Variants in GALNT14 observed in about 807,000 individuals in gnomAD.
GALNT14 encodes the protein polypeptide N-acetylgalactosaminyltransferase 14.
GALNT14 carries 60 observed loss-of-function variants against 77.5 expected under a neutral mutation model. The ratio of observed to expected loss-of-function variants is 0.77; its 90% CI spans 0.63 to 0.96. GALNT14 has a LOEUF of 0.96. Among genes scored for constraint, GALNT14 ranks in the 40% least tolerant of loss-of-function variants. The probability of loss-of-function intolerance (pLI) is 0.00; values close to 1 mark genes in which losing one functional copy is unlikely to be tolerated. For synonymous variants in GALNT14, 280 were observed against 281.7 expected (o/e 0.99, Z 0.06); for missense variants, 710 against 731.0 (o/e 0.97, Z 0.33).
At chr2:31,090,842 C>T (rs1226281232) in intron 1 of GALNT14, among the ~76,000 whole-genome samples, 1 of 150,178 alleles carries the variant, frequency 6.7e-6, no homozygotes, top group Non-Finnish European at 1.5e-5. Flanking sequence ...GTGAAGAGAA[C>T]ATTAAAAATA....
intron 11 of GALNT14, among the ~76,000 whole-genome samples, chr2:30,928,675 G>A (rs535121013): frequency 6.6e-6 from 1 of 152,204 alleles, no homozygotes; most frequent in East Asian, 1.9e-4. Context: ...GGAGTGCAGT[G>A]GCGTGATCTC....
intron 1 of GALNT14, among the ~76,000 whole-genome samples, chr2:31,031,918 G>A (rs775199007): frequency 6.6e-6 from 1 of 152,172 alleles, no homozygotes; most frequent in Non-Finnish European, 1.5e-5. Context: ...TTCCTGTTTT[G>A]AAGCTCTGTC....
At chr2:30,976,624 T>C (rs937415392) in intron 2 of GALNT14, among the ~76,000 whole-genome samples, 99 of 150,930 alleles carry the variant, frequency 6.6e-4, no homozygotes, top group African/African-American at 2.3e-3. Context: ...TGTGTGTATG[T>C]GTGTGTGTGT....
Position 30,942,324 on chromosome 2 carries a change from A to C in GALNT14, c.828-20T>G. The C allele has an allele frequency of 1.9e-6, 3 of 1,581,014 alleles. No individual in the cohort carries two copies. Among genetic ancestry groups the C allele is most frequent in the Non-Finnish European group, 2.6e-6 (3 of 1,150,424 alleles). On this transcript the variant is annotated intron_variant, in intron 8 of 14. Coordinates refer to ENST00000349752, the MANE Select transcript of GALNT14 (RefSeq NM_024572.4). The stretch of plus-strand genomic sequence containing the variant: ...GGAGTCCTGTGCATTTGGAAGAAAA[A>C]GAGAGGGGATCAGTTCTAGTGGGGA...
At chr2:30,970,134 C>T (rs1418912678) in intron 2 of GALNT14, among the ~76,000 whole-genome samples, 1 of 152,160 alleles carries the variant, frequency 6.6e-6, no homozygotes. Flanking sequence ...GACGACTCTG[C>T]CTGCTGGGTG....
the GALNT14 span, among the ~76,000 whole-genome samples, chr2:30,899,519 A>G: frequency 5.3e-5 from 8 of 151,840 alleles, no homozygotes; most frequent in East Asian, 3.9e-4. Context: ...GGCTCAAATG[A>G]ATAAGGTAAC....
chr2:30,920,673 A>G (rs1369107658), intron 13 of GALNT14, among the ~76,000 whole-genome samples: 3 of 152,092 alleles, frequency 2.0e-5, no homozygotes, highest in African/African-American at 7.2e-5. Context: ...ATAGGCACAC[A>G]TACTCAGGGA....
chr2:31,117,768 C>T (rs1187595971), intron 1 of GALNT14, among the ~76,000 whole-genome samples: 2 of 152,118 alleles, frequency 1.3e-5, no homozygotes, highest in African/African-American at 4.8e-5. Context: ...GGAAGATAGG[C>T]TATGCTAACA....
intron 1 of GALNT14, among the ~76,000 whole-genome samples, chr2:31,076,859 C>A (rs1375505130): frequency 1.3e-5 from 2 of 151,992 alleles, no homozygotes; most frequent in Non-Finnish European, 2.9e-5. Context: ...CCAAGATGAA[C>A]CAGGACTTAA....
intron 1 of GALNT14, among the ~76,000 whole-genome samples, chr2:31,101,006 T>G (rs1204055918): frequency 6.6e-6 from 1 of 152,068 alleles, no homozygotes; most frequent in Non-Finnish European, 1.5e-5. Context: ...ACTCAAAGTA[T>G]GGTTTCTATT....
Position 31,061,715 on chromosome 2 carries a change from AG to A in GALNT14, c.130-68709del, listed in dbSNP as rs147871021. 4.0e-3 allele frequency among the ~76,000 whole-genome samples: 603 copies of A among 152,304 alleles called. 4 individuals carry two copies. Among genetic ancestry groups the A allele is most frequent in the African/African-American group, 0.014 (565 of 41,552 alleles). On this transcript the variant is annotated intron_variant, in intron 1 of 14. Coordinates refer to ENST00000349752, the MANE Select transcript of GALNT14 (RefSeq NM_024572.4). The stretch of plus-strand genomic sequence containing the variant: ...GACCACTGTGCAACCTCAAGAAAAA[AG>A]GTAGGCTCAGCAATGCCTGCAAGTG...
intron 6 of GALNT14, among the ~76,000 whole-genome samples, chr2:30,954,958 C>T (rs1449524804): frequency 6.6e-6 from 1 of 152,222 alleles, no homozygotes; most frequent in Non-Finnish European, 1.5e-5. Context: ...TGAATTGATA[C>T]TGCCATCTGC....
chr2:31,130,790 G>GCA (rs142430081), intron 1 of GALNT14, among the ~76,000 whole-genome samples: 2 of 135,438 alleles, frequency 1.5e-5, no homozygotes, highest in African/African-American at 6.1e-5. Context: ...GTGTGCGCGC[G>GCA]CACCTGTGTG....
Position 31,138,202 on chromosome 2 carries a change from A to G in GALNT14, c.-116T>C. On this transcript the variant is annotated 5_prime_UTR_variant, in exon 1 of 15. Coordinates refer to ENST00000349752, the MANE Select transcript of GALNT14 (RefSeq NM_024572.4). ...CCTCGCTCTGGGGAGCTCTAGACCC[A>G]GGATCCGGTTGGAGGGGCGGCAGGA... 7.4e-7 allele frequency: 1 copy of G among 1,349,292 alleles called. No individual in the cohort carries two copies. The highest frequency in any genetic ancestry group is 1.0e-6 in the Non-Finnish European group (1 of 982,350). The allele number at this position is 1,349,292 out of a possible 1,614,324, so 83.6% of individuals were successfully genotyped here. A position where few individuals can be genotyped will look rare whatever the true frequency, so the allele number is the denominator to read the frequency against.
At chr2:30,890,884 G>A in the GALNT14 span, among the ~76,000 whole-genome samples, 1 of 152,214 alleles carries the variant, frequency 6.6e-6, no homozygotes, top group Non-Finnish European at 1.5e-5. Flanking sequence ...ATGGGTAGTT[G>A]GGGGAATGGT....
In GALNT14 at chr2:31,138,323, A is replaced by T; in HGVS notation, c.-237T>A. On this transcript the variant is annotated 5_prime_UTR_variant, in exon 1 of 15. Transcript: ENST00000349752. Reference sequence around the variant, plus strand: ...TGGCAGGGAAGGACCGAGGGCAGCCAAGCTGGACGCCCGCTCCAGCGGGAG... The same window carrying T: ...TGGCAGGGAAGGACCGAGGGCAGCCTAGCTGGACGCCCGCTCCAGCGGGAG... 2.1e-6 allele frequency: 1 copy of T among 483,872 alleles called. No individual in the cohort carries two copies. Among genetic ancestry groups the T allele is most frequent in the Admixed American group, 4.0e-5 (1 of 24,724 alleles). 30.0% of individuals were successfully genotyped at this position (483,872 alleles called of 1,614,324 possible).
chr2:31,044,715 C>G (rs1282461198), intron 1 of GALNT14, among the ~76,000 whole-genome samples: 1 of 151,688 alleles, frequency 6.6e-6, no homozygotes, highest in East Asian at 1.9e-4. Context: ...TCTAGGAGTT[C>G]AGAACCAGCC....
the GALNT14 span, among the ~76,000 whole-genome samples, chr2:30,890,773 A>G: frequency 1.3e-5 from 2 of 152,180 alleles, no homozygotes; most frequent in African/African-American, 4.8e-5. Context: ...CATACCTACC[A>G]ATATCATCCT....
At chr2:30,892,470 A>C in the GALNT14 span, among the ~76,000 whole-genome samples, 1 of 152,214 alleles carries the variant, frequency 6.6e-6, no homozygotes, top group South Asian at 2.1e-4. Flanking sequence ...CAGTAGTGGA[A>C]ACCAGAGGAC....
Sources: allele counts gnomAD v4.1 joint callset (sites outside exome capture counted in the v4.1 genomes callset), GRCh38; gene constraint gnomAD v4.1.1; transcripts MANE v1.5; gene names NCBI Gene and HGNC (gene_info 2026-07-23, HGNC 2026-07-21).